The following MYT1 variants were observed in gnomAD, a reference collection of about 807,000 sequenced individuals.
The protein encoded by MYT1 is myelin transcription factor 1.
Under a neutral mutation model 123.0 loss-of-function variants are expected in MYT1, and 23 were observed. The ratio of observed to expected loss-of-function variants is 0.19; its 90% CI spans 0.13 to 0.26. The LOEUF is 0.26. Ranked by LOEUF, MYT1 falls within the 10% of genes least tolerant of loss-of-function variation. The probability of loss-of-function intolerance (pLI) is 1.00; values close to 1 mark genes in which losing one functional copy is unlikely to be tolerated. For synonymous variants in MYT1, 518 were observed against 575.3 expected (o/e 0.90, Z 1.43); for missense variants, 1,125 against 1,472.5 (o/e 0.76, Z 3.86).
Position 64,198,179 on chromosome 20 carries a change from C to A in MYT1, c.1-683C>A, listed in dbSNP as rs182412733. On this transcript the variant is annotated intron_variant, in intron 2 of 22. Coordinates refer to ENST00000328439, the MANE Select transcript of MYT1 (RefSeq NM_004535.3). ...GCGGGCGCCTGTAGTCCCAGCTACT[C>A]GGGAGGCTGAGGCAGGAGAATGGCG... 6.9e-5 allele frequency among the ~76,000 whole-genome samples: 10 copies of A among 145,000 alleles called. No homozygotes were observed. The East Asian group carries it at 1.5e-3, about 21-fold the overall frequency.
chr20:64,195,899 TCTC>T (rs773865475), intron 2 of MYT1, among the ~76,000 whole-genome samples: 1 of 152,190 alleles, frequency 6.6e-6, no homozygotes, highest in Non-Finnish European at 1.5e-5. Flanking sequence ...TATGAATTAT[TCTC>T]CTCCCCACAG....
Position 64,192,304 on chromosome 20 carries a change from G to A in MYT1, c.-1+2144G>A, listed in dbSNP as rs545740556. Among the ~76,000 whole-genome samples the A allele has an allele frequency of 2.0e-5, 3 of 152,344 alleles. No individual in the cohort carries two copies. The highest frequency in any genetic ancestry group is 2.9e-5 in the Non-Finnish European group (2 of 68,036). ...AGATGAAAAGTGTGCCAGAGAAGGC[G>A]AGAGGATGAGAAAGGGTCGACTGCC... On this transcript the variant is annotated intron_variant, in intron 2 of 22. Coordinates refer to ENST00000328439, the MANE Select transcript of MYT1 (RefSeq NM_004535.3). This position sits in a 1 kb window ranked among gnomAD's most constrained non-coding sequence, Gnocchi z 5.3.
chr20:64,219,906 C>A lies in MYT1; in HGVS notation c.2165C>A (p.Ala722Asp). The change falls in exon 13 of 23, where the codon GCC (alanine) becomes GAC (aspartate). Residue 722 changes from alanine to aspartate, a missense_variant. Around this residue, in one of 4 missense-constraint regions of MYT1, gnomAD observed 429 missense variants for 604.1 expected, o/e 0.71. Coordinates refer to ENST00000328439, the MANE Select transcript of MYT1 (RefSeq NM_004535.3). ...ATGACCTCTCCCCAGTCCAGCCAGG[C>A]CTCCCGCCAGGACGAGTGGGACCGG... ...SSMTSPQSSQASRQDEWDRPL... is the reference protein window; with the variant it reads ...SSMTSPQSSQDSRQDEWDRPL... 1 of 1,568,602 alleles carries A rather than the reference C, an allele frequency of 6.4e-7. No homozygotes were observed. Among genetic ancestry groups the A allele is most frequent in the East Asian group, 2.4e-5 (1 of 42,008 alleles).
rs1211091921 is a variant in MYT1 at position 64,178,183 on chromosome 20, A to G, written c.-98-11880A>G. Reference sequence around the variant, plus strand: ...TATTTTCAAAAATACATTTTGAAACAATCTCAAAGCCACAGAAACGTTTCA... The same window carrying G: ...TATTTTCAAAAATACATTTTGAAACGATCTCAAAGCCACAGAAACGTTTCA... On this transcript the variant is annotated intron_variant, in intron 1 of 22. Transcript: ENST00000328439. Among the ~76,000 whole-genome samples the G allele has an allele frequency of 2.0e-5, 3 of 152,348 alleles. No homozygotes were observed. In the East Asian group the frequency reaches 5.8e-4, roughly 29 times the overall value.
intron 7 of MYT1, among the ~76,000 whole-genome samples, chr20:64,210,996 C>A (rs564695828): frequency 5.9e-4 from 90 of 152,368 alleles, no homozygotes; most frequent in African/African-American, 2.2e-3. Context: ...ATTGTCAGGG[C>A]AGCCTCAGGG....
At chr20:64,226,068 C>T (rs940490396) in intron 16 of MYT1, among the ~76,000 whole-genome samples, 2 of 152,234 alleles carry the variant, frequency 1.3e-5, no homozygotes, top group African/African-American at 4.8e-5. Flanking sequence ...CTGAGCTCTA[C>T]CTGATGCTTT....
At position 64,192,538 on chromosome 20, in the gene MYT1, C is replaced by T. The variant is rs937706461; in HGVS notation, c.-1+2378C>T. 6.6e-6 allele frequency among the ~76,000 whole-genome samples: 1 copy of T among 152,210 alleles called. No individual in the cohort carries two copies. Among genetic ancestry groups the T allele is most frequent in the Non-Finnish European group, 1.5e-5 (1 of 68,040 alleles). On this transcript the variant is annotated intron_variant, in intron 2 of 22. Transcript: ENST00000328439. The surrounding 1 kb of genome is among the most constrained non-coding windows in gnomAD (Gnocchi z 5.3). ...GGGCAGTGAACACACAAACCCTGTG[C>T]ATGGGACCGTCACAGCCTGCGGCGT...
chr20:64,204,003 G>A (rs555299954), intron 4 of MYT1, among the ~76,000 whole-genome samples: 52 of 152,328 alleles, frequency 3.4e-4, no homozygotes, highest in South Asian at 1.0e-3. Context: ...CACAAGGAGC[G>A]CAGGCCTGCC....
At position 64,190,547 on chromosome 20, in the gene MYT1, G is replaced by A. The variant is rs1314468337; in HGVS notation, c.-1+387G>A. Among the ~76,000 whole-genome samples the A allele has an allele frequency of 1.4e-5, 2 of 147,834 alleles. No individual in the cohort carries two copies. The highest frequency in any genetic ancestry group is 3.0e-5 in the Non-Finnish European group (2 of 67,570). On this transcript the variant is annotated intron_variant, in intron 2 of 22. Coordinates refer to ENST00000328439, the MANE Select transcript of MYT1 (RefSeq NM_004535.3). The surrounding 1 kb of genome is among the most constrained non-coding windows in gnomAD (Gnocchi z 4.1). ...AAATTAGCCGGGCATGGTGGCATGC[G>A]CCTGTAATCCCAGCTATTTGGGGGA...
intron 6 of MYT1, 80 bp from the exon 7 acceptor site, chr20:64,207,514 T>C: frequency 1.3e-6 from 2 of 1,540,964 alleles, no homozygotes; most frequent in Non-Finnish European, 1.7e-6. Context: ...GGTGGAGGGG[T>C]GGTGGGTGTG....
At chr20:64,207,506 TGGAG>T in intron 6 of MYT1, 84 bp from the exon 7 acceptor site, 1 of 1,536,720 alleles carries the variant, frequency 6.5e-7, no homozygotes, top group Non-Finnish European at 8.8e-7. Flanking sequence ...GTAGGTCAGG[TGGAG>T]GGGTGGTGGG....
intron 1 of MYT1, among the ~76,000 whole-genome samples, chr20:64,180,482 G>A (rs749836281): frequency 3.9e-5 from 6 of 152,164 alleles, no homozygotes; most frequent in Non-Finnish European, 5.9e-5. Flanking sequence ...CCACACAAGT[G>A]CTGACCCCTT....
intron 1 of MYT1, among the ~76,000 whole-genome samples, chr20:64,182,108 A>G (rs1460878844): frequency 6.6e-6 from 1 of 152,254 alleles, no homozygotes. Context: ...CCCAAGTAGC[A>G]GCAAGAAGGG....
At chr20:64,178,541 A>C (rs2145694319) in intron 1 of MYT1, among the ~76,000 whole-genome samples, 1 of 152,160 alleles carries the variant, frequency 6.6e-6, no homozygotes, top group African/African-American at 2.4e-5. Context: ...GATACCCTTC[A>C]ACGTGGGAGC....
rs941200044 is a variant in MYT1, at chr20:64,241,604, C to T, written c.*1156C>T. The stretch of plus-strand genomic sequence containing the variant: ...TTATATTCACAGCCTCTTATGTTAA[C>T]GTTTGCTATTTATTTAACATTTTTA... On this transcript the variant is annotated 3_prime_UTR_variant, in exon 23 of 23. Transcript: ENST00000328439. The surrounding 1 kb of genome is among the most constrained non-coding windows in gnomAD (Gnocchi z 4.2). 2.6e-5 allele frequency: 4 copies of T among 152,616 alleles called. No homozygotes were observed. The South Asian group carries it at 6.2e-4, about 24-fold the overall frequency. The allele number at this position is 152,616 out of a possible 1,614,324, so 9.5% of individuals were successfully genotyped here.
In MYT1 at chr20:64,203,579, C is replaced by G. The variant is rs1324766833; in HGVS notation, c.87-1456C>G. Among the ~76,000 whole-genome samples the G allele has an allele frequency of 6.6e-6, 1 of 152,116 alleles. No individual in the cohort carries two copies. The highest frequency in any genetic ancestry group is 2.4e-5 in the African/African-American group (1 of 41,410). Reference sequence around the variant, plus strand: ...CCCTCCTCCCTCCCTCCTTCCCTCCCTCTCTGTCTTCTTGTTAACACACTG... The same window carrying G: ...CCCTCCTCCCTCCCTCCTTCCCTCCGTCTCTGTCTTCTTGTTAACACACTG... On this transcript the variant is annotated intron_variant, in intron 4 of 22. Transcript: ENST00000328439. The surrounding 1 kb of genome is among the most constrained non-coding windows in gnomAD (Gnocchi z 5.1).
At position 64,210,223 on chromosome 20, in the gene MYT1, G is replaced by T. The variant is rs185773949; in HGVS notation, c.1292-983G>T. ...TTCAGGGATAGATTTTCAGTGCATG[G>T]ACCCAAAGGGACACGGCCCCGGGTG... On this transcript the variant is annotated intron_variant, in intron 7 of 22. Transcript: ENST00000328439. 2.2e-4 allele frequency among the ~76,000 whole-genome samples: 33 copies of T among 152,316 alleles called. No individual in the cohort carries two copies. The East Asian group carries it at 6.0e-3, about 28-fold the overall frequency.
intron 10 of MYT1, among the ~76,000 whole-genome samples, chr20:64,215,869 A>G (rs912975219): frequency 6.6e-6 from 1 of 151,466 alleles, no homozygotes; most frequent in Admixed American, 6.6e-5. Flanking sequence ...TGCTTGGATT[A>G]TAGACATAAG....
At chr20:64,201,474 A>G (rs553170287) in intron 4 of MYT1, among the ~76,000 whole-genome samples, 1 of 31,236 alleles carries the variant, frequency 3.2e-5, no homozygotes, top group East Asian at 2.5e-4. Context: ...CTAACATGCA[A>G]TGTGATGCTT....
Sources: gnomAD v4.1 joint callset for allele counts (sites outside exome capture counted in the v4.1 genomes callset) on GRCh38, gnomAD v4.1.1 for gene constraint, gnomAD v4.1.1 regional missense constraint, Gnocchi (gnomAD v3.1) non-coding constraint, MANE v1.5 for transcripts, NCBI Gene and HGNC (gene_info 2026-07-23, HGNC 2026-07-21) for gene names.